Variants in SMOC2 observed in about 807,000 individuals in gnomAD.
SMOC2 encodes the protein SPARC related modular calcium binding 2.
In SMOC2, 39 loss-of-function variants were observed where a neutral mutation model predicts 61.4. That is an observed-to-expected ratio of 0.64 (90% CI 0.49 to 0.83). The LOEUF (loss-of-function observed/expected upper bound fraction) is 0.83, where lower values mean the gene tolerates loss of function less well. SMOC2 is among the 40% of genes least tolerant of loss of function. The pLI is 0.00. For synonymous variants in SMOC2, 247 were observed against 239.9 expected (o/e 1.03, Z -0.27); for missense variants, 556 against 592.9 (o/e 0.94, Z 0.65).
intron 1 of SMOC2, among the ~76,000 whole-genome samples, chr6:168,497,745 T>C (rs1009473929): frequency 6.6e-6 from 1 of 152,230 alleles, no homozygotes; most frequent in African/African-American, 2.4e-5. Context: ...TCGCCCTGCA[T>C]TGGCAGCTAA....
At chr6:168,533,703 C>T (rs553206686) in intron 4 of SMOC2, among the ~76,000 whole-genome samples, 2 of 152,164 alleles carry the variant, frequency 1.3e-5, no homozygotes, top group Admixed American at 6.5e-5. Flanking sequence ...CACCTCAAAA[C>T]GGCTTTTTCT....
Position 168,553,639 on chromosome 6 carries a change from C to T in SMOC2, c.637+4436C>T, listed in dbSNP as rs1166618824. The stretch of plus-strand genomic sequence containing the variant: ...CCAAGGTGCTTAGGGTTTCATGACC[C>T]ATTCATAATAAAACACATCCCCTCT... On this transcript the variant is annotated intron_variant, in intron 7 of 12. Transcript: ENST00000356284. This position sits in a 1 kb window ranked among gnomAD's most constrained non-coding sequence, Gnocchi z 4.2. Among the ~76,000 whole-genome samples, 1 of 152,172 alleles carries T rather than the reference C, an allele frequency of 6.6e-6. No homozygotes were observed. Among genetic ancestry groups the T allele is most frequent in the African/African-American group, 2.4e-5 (1 of 41,430 alleles).
chr6:168,520,245 C>A (rs1044785322), intron 2 of SMOC2, among the ~76,000 whole-genome samples: 2 of 152,208 alleles, frequency 1.3e-5, no homozygotes, highest in Non-Finnish European at 2.9e-5. Context: ...CTTAGTTTTT[C>A]TGACTCTGGC....
chr6:168,471,334 G>T (rs1372012332), intron 1 of SMOC2, among the ~76,000 whole-genome samples: 1 of 152,144 alleles, frequency 6.6e-6, no homozygotes, highest in East Asian at 1.9e-4. Flanking sequence ...GTAGAATCAT[G>T]CAGTAGTGGT....
At chr6:168,480,786 CA>C (rs1782188581) in intron 1 of SMOC2, among the ~76,000 whole-genome samples, 1 of 152,054 alleles carries the variant, frequency 6.6e-6, no homozygotes, top group Non-Finnish European at 1.5e-5. Flanking sequence ...ACCAAACTTT[CA>C]ATAGACAAAG....
intron 9 of SMOC2, among the ~76,000 whole-genome samples, chr6:168,623,353 CAG>C (rs1268851084): frequency 1.1e-5 from 1 of 94,388 alleles, no homozygotes; most frequent in Non-Finnish European, 2.2e-5. Context: ...TTTTTTGAGA[CAG>C]AGTCTTGCTC....
Position 168,608,183 on chromosome 6 carries a change from C to G in SMOC2, c.851C>G (p.Thr284Arg). The change falls in exon 9 of 13, where the codon ACG becomes AGG. Residue 284 changes from threonine to arginine, a missense_variant. Thr to Arg is a moderately conservative substitution (Grantham distance 71). Transcript: ENST00000356284. The stretch of plus-strand genomic sequence containing the variant: ...TACGAGCAGCCGAAATGTGACAACA[C>G]GGCCAGGGCCCACCCAGCCAAAGCC... Reference protein sequence around the residue: ...TRYEQPKCDNTARAHPAKARD... With the variant: ...TRYEQPKCDNRARAHPAKARD... The G allele has an allele frequency of 1.9e-6, 3 of 1,613,868 alleles. No homozygotes were observed. Among genetic ancestry groups the G allele is most frequent in the Non-Finnish European group, 1.7e-6 (2 of 1,179,948 alleles).
chr6:168,596,533 C>T (rs562541093), intron 7 of SMOC2, among the ~76,000 whole-genome samples: 1 of 145,678 alleles, frequency 6.9e-6, no homozygotes, highest in African/African-American at 2.6e-5. Context: ...CACGGCAGTG[C>T]TGAGTTTCCC....
chr6:168,638,673 C>T (rs1029811377), intron 9 of SMOC2, among the ~76,000 whole-genome samples: 1 of 152,168 alleles, frequency 6.6e-6, no homozygotes, highest in African/African-American at 2.4e-5. Flanking sequence ...CCAGCCCTTC[C>T]TAACTGAAAA....
chr6:168,570,466 G>C (rs758547423), intron 7 of SMOC2, among the ~76,000 whole-genome samples: 8 of 152,170 alleles, frequency 5.3e-5, no homozygotes, highest in Admixed American at 6.5e-5. Flanking sequence ...GGCCCAGGGC[G>C]CACTCCTGCT....
intron 1 of SMOC2, among the ~76,000 whole-genome samples, chr6:168,461,364 A>T (rs1006676151): frequency 6.6e-6 from 1 of 152,204 alleles, no homozygotes; most frequent in African/African-American, 2.4e-5. Context: ...ACCATATTAA[A>T]AGTGTAAGAA....
intron 1 of SMOC2, among the ~76,000 whole-genome samples, chr6:168,451,619 CTCTCT>C (rs1781467791): frequency 6.6e-6 from 1 of 151,538 alleles, no homozygotes; most frequent in African/African-American, 2.4e-5. Flanking sequence ...CTCTCTCTCT[CTCTCT>C]CTCTCCCTCC....
rs1479744316 is a variant in SMOC2, at chr6:168,600,432, A to C, written c.824+1428A>C. 9.9e-5 allele frequency among the ~76,000 whole-genome samples: 5 copies of C among 50,546 alleles called. 1 individual carries two copies. The East Asian group carries it at 2.1e-3, about 21-fold the overall frequency. 33.2% of individuals were successfully genotyped at this position (50,546 alleles called of 152,430 possible). On this transcript the variant is annotated intron_variant, in intron 8 of 12. Coordinates refer to ENST00000356284, the MANE Select transcript of SMOC2 (RefSeq NM_001166412.2). ...CAAAAAAAAAAAAAACAAAAAAAAA[A>C]ACAAAAAAAAAAACAGTAGTTTCAA...
rs1039698987 is a variant in SMOC2, at chr6:168,453,472, T to C, written c.84+12018T>C. On this transcript the variant is annotated intron_variant, in intron 1 of 12. Coordinates refer to ENST00000356284, the MANE Select transcript of SMOC2 (RefSeq NM_001166412.2). The surrounding 1 kb of genome is among the most constrained non-coding windows in gnomAD (Gnocchi z 4.4). ...TCTGTCTCTGTGTGTCTCTCAGTTC[T>C]GTCTCTCAGTTTCTGCCATTCTCTC... 6.6e-6 allele frequency among the ~76,000 whole-genome samples: 1 copy of C among 152,072 alleles called. No homozygotes were observed. Among genetic ancestry groups the C allele is most frequent in the Non-Finnish European group, 1.5e-5 (1 of 68,010 alleles).
intron 8 of SMOC2, among the ~76,000 whole-genome samples, chr6:168,605,902 C>G (rs1011077064): frequency 1.5e-4 from 23 of 152,148 alleles, no homozygotes; most frequent in African/African-American, 5.3e-4. Context: ...TCCTCAGAGT[C>G]TACGTCATCC....
rs114188329 is a variant in SMOC2 at position 168,623,321 on chromosome 6, G to A, written c.907+15082G>A. On this transcript the variant is annotated intron_variant, in intron 9 of 12. Transcript: ENST00000356284. ...CTGCAAGGGTTTTGGCTGAGACATG[G>A]ATAATTAATTTTTTTTTTTTTTTTT... Among the ~76,000 whole-genome samples, 281 of 125,716 alleles carry A rather than the reference G, an allele frequency of 2.2e-3. 1 individual carries two copies. The highest frequency in any genetic ancestry group is 7.9e-3 in the African/African-American group (269 of 34,152). The allele number at this position is 125,716 out of a possible 152,430, so 82.5% of individuals were successfully genotyped here.
intron 11 of SMOC2, among the ~76,000 whole-genome samples, chr6:168,656,076 A>G (rs1233952459): frequency 6.6e-6 from 1 of 152,228 alleles, no homozygotes; most frequent in Non-Finnish European, 1.5e-5. Context: ...GATTTGTGTA[A>G]TACTTGCTGG....
At chr6:168,577,179 T>C (rs1363099633) in intron 7 of SMOC2, among the ~76,000 whole-genome samples, 1 of 152,132 alleles carries the variant, frequency 6.6e-6, no homozygotes, top group Non-Finnish European at 1.5e-5. Flanking sequence ...CTAAACATGC[T>C]TTCCTCTCAT....
At chr6:168,592,385 G>T (rs1471085647) in intron 7 of SMOC2, among the ~76,000 whole-genome samples, 4 of 125,522 alleles carry the variant, frequency 3.2e-5, no homozygotes, top group Non-Finnish European at 7.1e-5. Flanking sequence ...CTTTCTAGAG[G>T]ATCTCCGAGC....
Sources: allele counts gnomAD v4.1 joint callset (sites outside exome capture counted in the v4.1 genomes callset), GRCh38; gene constraint gnomAD v4.1.1; non-coding constraint Gnocchi (gnomAD v3.1); transcripts MANE v1.5; gene names NCBI Gene and HGNC (gene_info 2026-07-23, HGNC 2026-07-21).